The following SNTG1 variants were observed in gnomAD, a reference collection of about 807,000 sequenced individuals.
SNTG1 encodes syntrophin gamma 1.
In SNTG1, 39 loss-of-function variants were observed where a neutral mutation model predicts 74.7. The ratio of observed to expected loss-of-function variants is 0.52; its 90% CI spans 0.40 to 0.68. The LOEUF is 0.68. SNTG1 is among the 30% of genes least tolerant of loss of function. The probability of loss-of-function intolerance (pLI) is 0.00; values close to 1 mark genes in which losing one functional copy is unlikely to be tolerated. For synonymous variants in SNTG1, 254 were observed against 217.1 expected, an observed-to-expected ratio of 1.17 and a Z score of -1.49; for missense variants, 685 against 609.5, an observed-to-expected ratio of 1.12 and a Z score of -1.30.
intron 1 of SNTG1, among the ~76,000 whole-genome samples, chr8:50,006,282 T>C (rs1308701155): frequency 6.6e-6 from 1 of 152,128 alleles, no homozygotes; most frequent in Non-Finnish European, 1.5e-5. Flanking sequence ...TTTGATAACT[T>C]CTATTCCTTT....
At chr8:50,534,976 C>T (rs2094297180) in intron 10 of SNTG1, among the ~76,000 whole-genome samples, 1 of 151,956 alleles carries the variant, frequency 6.6e-6, no homozygotes, top group Non-Finnish European at 1.5e-5. Flanking sequence ...AATTTTGCCC[C>T]TTATTTCAGC....
At chr8:49,996,006 G>A (rs1814175766) in intron 1 of SNTG1, among the ~76,000 whole-genome samples, 1 of 152,112 alleles carries the variant, frequency 6.6e-6, no homozygotes, top group African/African-American at 2.4e-5. Context: ...AAAACTGCAA[G>A]TAGAACTCTC....
At chr8:49,969,056 A>C (rs1192366652) in intron 1 of SNTG1, among the ~76,000 whole-genome samples, 1 of 152,214 alleles carries the variant, frequency 6.6e-6, no homozygotes, top group Non-Finnish European at 1.5e-5. Flanking sequence ...ATTAGTGTGT[A>C]AAATGAATTG....
intron 1 of SNTG1, among the ~76,000 whole-genome samples, chr8:50,051,187 A>G (rs1819539008): frequency 6.6e-6 from 1 of 151,828 alleles, no homozygotes; most frequent in South Asian, 2.1e-4. Context: ...TTATTTTGGA[A>G]AGTAAAAAAT....
At chr8:50,531,894 A>T (rs1249703386) in intron 10 of SNTG1, among the ~76,000 whole-genome samples, 2 of 152,176 alleles carry the variant, frequency 1.3e-5, no homozygotes, top group Non-Finnish European at 2.9e-5. Context: ...GAGGAGTCAG[A>T]GTGGCAGGTC....
rs576550960 is a variant in SNTG1, at chr8:50,213,819, C to G, written c.-28+41184C>G. Among the ~76,000 whole-genome samples the G allele has an allele frequency of 1.6e-4, 25 of 151,810 alleles. No homozygotes were observed. The East Asian group carries it at 3.9e-3, about 24-fold the overall frequency. ...AATTTGTTTGAGTTCATTGTAGATT[C>G]TGGATATTAGCCCTTTGTCAGATGA... On this transcript the variant is annotated intron_variant, in intron 2 of 18. Coordinates refer to ENST00000642720, the MANE Select transcript of SNTG1 (RefSeq NM_018967.5).
At chr8:49,983,627 G>C (rs886567359) in intron 1 of SNTG1, among the ~76,000 whole-genome samples, 3 of 152,248 alleles carry the variant, frequency 2.0e-5, no homozygotes, top group African/African-American at 7.2e-5. Context: ...TCTTGCCCTG[G>C]ATAGCCCTGA....
chr8:50,340,761 C>G (rs2091292450), intron 2 of SNTG1, among the ~76,000 whole-genome samples: 1 of 151,738 alleles, frequency 6.6e-6, no homozygotes, highest in South Asian at 2.1e-4. Flanking sequence ...CTTAATTTTC[C>G]CTCACTAATC....
chr8:50,341,178 A>G (rs1366740972), intron 2 of SNTG1, among the ~76,000 whole-genome samples: 1 of 152,044 alleles, frequency 6.6e-6, no homozygotes, highest in Middle Eastern at 3.4e-3. Flanking sequence ...AAAGGGATTT[A>G]TCTCTTTCCA....
chr8:50,174,519 T>C (rs2082923343), intron 2 of SNTG1, among the ~76,000 whole-genome samples: 1 of 152,180 alleles, frequency 6.6e-6, no homozygotes, highest in Non-Finnish European at 1.5e-5. Flanking sequence ...TCATGTAAAC[T>C]CAGAAATTTC....
intron 1 of SNTG1, among the ~76,000 whole-genome samples, chr8:49,941,761 A>C (rs1036316212): frequency 6.6e-6 from 1 of 152,002 alleles, no homozygotes; most frequent in Non-Finnish European, 1.5e-5. Context: ...AAGGGTAGGA[A>C]GCTTTCTGGA....
At chr8:50,620,304 T>C (rs1298146370) in intron 13 of SNTG1, among the ~76,000 whole-genome samples, 1 of 152,172 alleles carries the variant, frequency 6.6e-6, no homozygotes, top group African/African-American at 2.4e-5. Flanking sequence ...CATTTTTCTG[T>C]CACGTCTCTG....
At chr8:50,758,591 T>G (rs1356329937) in intron 18 of SNTG1, among the ~76,000 whole-genome samples, 5 of 152,038 alleles carry the variant, frequency 3.3e-5, no homozygotes, top group Non-Finnish European at 7.4e-5. Flanking sequence ...TCTGTTCTTG[T>G]GTTACTTTGC....
chr8:50,233,723 A>G (rs550159858), intron 2 of SNTG1, among the ~76,000 whole-genome samples: 1 of 54,986 alleles, frequency 1.8e-5, no homozygotes, highest in East Asian at 9.0e-4. Context: ...AAACCCACTA[A>G]TTAGAAAATG....
intron 5 of SNTG1, among the ~76,000 whole-genome samples, chr8:50,448,321 A>T (rs1328797317): frequency 6.6e-6 from 1 of 152,240 alleles, no homozygotes; most frequent in South Asian, 2.1e-4. Context: ...CCAAAAAAAA[A>T]AATTCAATAT....
At chr8:50,266,145 C>T (rs2087454454) in intron 2 of SNTG1, among the ~76,000 whole-genome samples, 1 of 151,270 alleles carries the variant, frequency 6.6e-6, no homozygotes, top group Admixed American at 6.6e-5. Flanking sequence ...CTTGAGTTAA[C>T]AGAACAAAGT....
At chr8:50,377,077 A>C (rs2092401651) in intron 2 of SNTG1, among the ~76,000 whole-genome samples, 1 of 152,086 alleles carries the variant, frequency 6.6e-6, no homozygotes, top group Admixed American at 6.6e-5. Context: ...TAAAATAATA[A>C]GCACATAGAA....
At chr8:50,777,924 T>C (rs993468170) in intron 18 of SNTG1, among the ~76,000 whole-genome samples, 2 of 151,968 alleles carry the variant, frequency 1.3e-5, no homozygotes, top group African/African-American at 2.4e-5. Context: ...CATTGTTCAA[T>C]TCCCACCTAT....
intron 13 of SNTG1, chr8:50,644,010 C>T (rs537509156): frequency 1.1e-4 from 16 of 152,316 alleles, no homozygotes; most frequent in Admixed American, 3.3e-4. Context: ...GTAAATGAGT[C>T]CATCACAGCT....
Sources: gnomAD v4.1 joint callset for allele counts (sites outside exome capture counted in the v4.1 genomes callset) on GRCh38, gnomAD v4.1.1 for gene constraint, MANE v1.5 for transcripts, NCBI Gene and HGNC (gene_info 2026-07-23, HGNC 2026-07-21) for gene names.